Variants in PACS1 observed in about 807,000 individuals in gnomAD.
The protein encoded by PACS1 is PACS-1.
PACS1 carries 24 observed loss-of-function variants against 115.0 expected under a neutral mutation model. That is an observed-to-expected ratio of 0.21 (90% CI 0.15 to 0.29). The LOEUF (loss-of-function observed/expected upper bound fraction) is 0.29, where lower values mean the gene tolerates loss of function less well. Ranked by LOEUF, PACS1 falls within the 10% of genes least tolerant of loss-of-function variation. The probability of loss-of-function intolerance (pLI) is 1.00; values close to 1 mark genes in which losing one functional copy is unlikely to be tolerated. For synonymous variants in PACS1, 453 were observed against 504.5 expected, an observed-to-expected ratio of 0.90 and a Z score of 1.37; for missense variants, 838 against 1,251.2, an observed-to-expected ratio of 0.67 and a Z score of 4.98.
rs769306552 is a variant in PACS1 at position 66,233,797 on chromosome 11, C to T, written c.1851C>T (p.Asn617=). 8 of 1,613,792 alleles carry T rather than the reference C, an allele frequency of 5.0e-6. No homozygotes were observed. The highest frequency in any genetic ancestry group is 4.4e-5 in the South Asian group (4 of 91,026). ...CCTTCCTCCCCAGCTGCAACTGCAA[C>T]TCTTCCATGCCGAGGCCAGTGAAGG... ...LTRIQRYCNC[N]SSMPRPVKVA... Residue 617 remains asparagine, a synonymous_variant, in exon 16 of 24, where the codon AAC becomes AAT. Coordinates refer to ENST00000320580, the MANE Select transcript of PACS1 (RefSeq NM_018026.4). This position sits in a 1 kb window ranked among gnomAD's most constrained non-coding sequence, Gnocchi z 4.5.
chr11:66,202,286 A>G (rs1277835318), intron 2 of PACS1, among the ~76,000 whole-genome samples: 1 of 152,190 alleles, frequency 6.6e-6, no homozygotes, highest in Non-Finnish European at 1.5e-5. Flanking sequence ...TAGCTTCACT[A>G]CTGAATTTTA....
intron 1 of PACS1, among the ~76,000 whole-genome samples, chr11:66,123,822 A>G (rs1409724193): frequency 6.6e-6 from 1 of 151,442 alleles, no homozygotes; most frequent in Non-Finnish European, 1.5e-5. Flanking sequence ...CACCCAGCCC[A>G]TTTTTAAATT....
intron 1 of PACS1, among the ~76,000 whole-genome samples, chr11:66,164,891 A>G (rs1859569289): frequency 6.6e-6 from 1 of 152,080 alleles, no homozygotes; most frequent in South Asian, 2.1e-4. Context: ...CAGAACCACA[A>G]GAGATCTTAG....
chr11:66,082,360 C>T (rs1456633984), intron 1 of PACS1, among the ~76,000 whole-genome samples: 2 of 152,052 alleles, frequency 1.3e-5, no homozygotes, highest in African/African-American at 2.4e-5. Flanking sequence ...AAGTAAAGGT[C>T]CACATCACCA....
At chr11:66,099,288 A>C (rs1483487150) in intron 1 of PACS1, among the ~76,000 whole-genome samples, 6 of 152,126 alleles carry the variant, frequency 3.9e-5, no homozygotes, top group Non-Finnish European at 1.5e-5. Flanking sequence ...CATTGGCACA[A>C]TCTCTGGTCA....
chr11:66,221,953 G>A (rs1307561685), intron 10 of PACS1, among the ~76,000 whole-genome samples: 7 of 152,044 alleles, frequency 4.6e-5, no homozygotes, highest in Non-Finnish European at 1.0e-4. Flanking sequence ...CCATCTCTAC[G>A]AAAAATGCAA....
chr11:66,133,940 GTGATACTGGGCAAGTTGT>G (rs1858765947), intron 1 of PACS1, among the ~76,000 whole-genome samples: 1 of 152,198 alleles, frequency 6.6e-6, no homozygotes, highest in African/African-American at 2.4e-5. Flanking sequence ...CTGGCTAAGT[GTGATACTGGGCAAGTTGT>G]TGACTTCCTT....
chr11:66,086,698 C>G (rs574711316), intron 1 of PACS1, among the ~76,000 whole-genome samples: 1 of 152,250 alleles, frequency 6.6e-6, no homozygotes, highest in African/African-American at 2.4e-5. Flanking sequence ...TCATGGCAAC[C>G]TCCGCCTCCC....
At chr11:66,088,023 G>T (rs537406106) in intron 1 of PACS1, among the ~76,000 whole-genome samples, 24 of 152,094 alleles carry the variant, frequency 1.6e-4, no homozygotes, top group African/African-American at 4.6e-4. Context: ...TTGGCCGTGT[G>T]TGTATCCTCT....
chr11:66,084,859 A>T (rs558965958), intron 1 of PACS1, among the ~76,000 whole-genome samples: 1 of 152,234 alleles, frequency 6.6e-6, no homozygotes, highest in East Asian at 1.9e-4. Context: ...AATTAATTGG[A>T]AATAAAATTT....
At chr11:66,094,317 AAAG>A (rs1303473086) in intron 1 of PACS1, among the ~76,000 whole-genome samples, 3 of 150,968 alleles carry the variant, frequency 2.0e-5, no homozygotes, top group Non-Finnish European at 4.5e-5. Flanking sequence ...ATAAAGAAAA[AAAG>A]AGAGAAGAAT....
chr11:66,221,252 G>A lies in PACS1; in HGVS notation c.1293+5G>A. 6.2e-7 allele frequency: 1 copy of A among 1,613,646 alleles called. No individual in the cohort carries two copies. The highest frequency in any genetic ancestry group is 8.5e-7 in the Non-Finnish European group (1 of 1,179,518). On this transcript the variant is annotated splice_donor_5th_base_variant and intron_variant, in intron 10 of 23. Coordinates refer to ENST00000320580, the MANE Select transcript of PACS1 (RefSeq NM_018026.4). The stretch of plus-strand genomic sequence containing the variant: ...GGAAAAGACACCACCAGCCCTGTGA[G>A]CGCAACCGCGACTGCGGGGCGGGGT...
chr11:66,100,487 T>G (rs1857891723), intron 1 of PACS1, among the ~76,000 whole-genome samples: 1 of 152,138 alleles, frequency 6.6e-6, no homozygotes, highest in Non-Finnish European at 1.5e-5. Flanking sequence ...CGTGTAAACT[T>G]CATAACAGTG....
At chr11:66,129,752 G>A (rs972308629) in intron 1 of PACS1, among the ~76,000 whole-genome samples, 1 of 151,928 alleles carries the variant, frequency 6.6e-6, no homozygotes, top group Admixed American at 6.6e-5. Flanking sequence ...TAACTTTATC[G>A]TTCATATTTC....
intron 1 of PACS1, among the ~76,000 whole-genome samples, chr11:66,157,857 A>AC (rs1859396716): frequency 6.6e-6 from 1 of 151,856 alleles, no homozygotes; most frequent in Non-Finnish European, 1.5e-5. Context: ...GAAAAAAAAA[A>AC]AACCTAACAT....
rs1268871839 is a variant in PACS1, at chr11:66,070,748, G to A, written c.262G>A (p.Gly88Ser). 1.3e-6 allele frequency: 2 copies of A among 1,556,056 alleles called. No homozygotes were observed. Among genetic ancestry groups the A allele is most frequent in the Non-Finnish European group, 8.6e-7 (1 of 1,159,040 alleles). The stretch of plus-strand genomic sequence containing the variant: ...GGTGGCCTCGGGCTCCGCGCCTCCC[G>A]GTGGCCCGGGGCCAGGCCGCACCCC... Reference protein sequence around the residue: ...VAVASGSAPPGGPGPGRTPAP... With the variant: ...VAVASGSAPPSGPGPGRTPAP... Residue 88 changes from glycine (G) to serine (S), a missense_variant, in exon 1 of 24, where the codon GGT becomes AGT. Coordinates refer to ENST00000320580, the MANE Select transcript of PACS1 (RefSeq NM_018026.4). This position sits in a 1 kb window ranked among gnomAD's most constrained non-coding sequence, Gnocchi z 5.9.
At chr11:66,097,138 A>G (rs1389018997) in intron 1 of PACS1, among the ~76,000 whole-genome samples, 1 of 152,144 alleles carries the variant, frequency 6.6e-6, no homozygotes, top group Admixed American at 6.6e-5. Flanking sequence ...ACTGAGGCAG[A>G]CAGATTCTGA....
In PACS1 at chr11:66,165,525, A is replaced by C. The variant is rs565578270; in HGVS notation, c.357-27961A>C. Among the ~76,000 whole-genome samples, 3 of 152,262 alleles carry C rather than the reference A, an allele frequency of 2.0e-5. No individual in the cohort carries two copies. The East Asian group carries it at 5.8e-4, about 29-fold the overall frequency. Reference sequence around the variant, plus strand: ...CTCATAAGCAGCTGGCCTAATAGTAATTCAGTTTTCTACTCAGATATTTAA... The same window carrying C: ...CTCATAAGCAGCTGGCCTAATAGTACTTCAGTTTTCTACTCAGATATTTAA... On this transcript the variant is annotated intron_variant, in intron 1 of 23. Transcript: ENST00000320580.
intron 13 of PACS1, among the ~76,000 whole-genome samples, chr11:66,231,161 G>T (rs1321336142): frequency 6.6e-6 from 1 of 152,272 alleles, no homozygotes; most frequent in Non-Finnish European, 1.5e-5. Flanking sequence ...TAGGGCGCAG[G>T]CAGGGGAGCC....
Sources: gnomAD v4.1 joint callset for allele counts (sites outside exome capture counted in the v4.1 genomes callset) on GRCh38, gnomAD v4.1.1 for gene constraint, Gnocchi (gnomAD v3.1) non-coding constraint, MANE v1.5 for transcripts, NCBI Gene and HGNC (gene_info 2026-07-23, HGNC 2026-07-21) for gene names.